The following GATA4 variants were observed in gnomAD, a reference collection of about 807,000 sequenced individuals.
GATA4 encodes GATA binding protein 4.
Under a neutral mutation model 37.9 loss-of-function variants are expected in GATA4, and 7 were observed. That is an observed-to-expected ratio of 0.18 (90% CI 0.11 to 0.35). GATA4 has a LOEUF of 0.35. Among genes scored for constraint, GATA4 ranks in the 10% least tolerant of loss-of-function variants. The pLI, the probability that GATA4 is intolerant of heterozygous loss-of-function variation, is 1.00. For synonymous variants in GATA4, 372 were observed against 292.6 expected (o/e 1.27, Z -2.77); for missense variants, 647 against 653.0 (o/e 0.99, Z 0.10).
intron 4 of GATA4, among the ~76,000 whole-genome samples, chr8:11,752,283 G>T (rs1166371411): frequency 6.6e-6 from 1 of 152,194 alleles, no homozygotes; most frequent in Non-Finnish European, 1.5e-5. Context: ...ACACGTATAG[G>T]TGTATTAGTC....
intron 1 of GATA4, among the ~76,000 whole-genome samples, chr8:11,687,226 C>T (rs892024542): frequency 3.9e-5 from 6 of 152,126 alleles, no homozygotes; most frequent in African/African-American, 1.4e-4. Context: ...ATGGGTGGGT[C>T]AGTATGTTGT....
At chr8:11,690,728 A>G (rs1226249967), upstream of GATA4, among the ~76,000 whole-genome samples, 2 of 152,140 alleles carry the variant, frequency 1.3e-5, no homozygotes, top group Non-Finnish European at 1.5e-5. Flanking sequence ...CAAAATAGCC[A>G]GATCTGGTGG....
intron 2 of GATA4, among the ~76,000 whole-genome samples, chr8:11,720,440 A>G (rs1202701868): frequency 6.6e-6 from 1 of 152,054 alleles, no homozygotes; most frequent in East Asian, 1.9e-4. Flanking sequence ...TGATGGACTC[A>G]TCTTTTCTTT....
intron 1 of GATA4, chr8:11,683,148 G>T: frequency 1.0e-6 from 1 of 981,840 alleles, no homozygotes; most frequent in Non-Finnish European, 1.2e-6. Context: ...CTCCAGCAGA[G>T]ATAATGGAGG....
upstream of GATA4, among the ~76,000 whole-genome samples, chr8:11,703,920 A>T (rs1177299463): frequency 5.9e-5 from 9 of 152,362 alleles, 1 homozygote; most frequent in African/African-American, 2.2e-4. Flanking sequence ...AAGGGAACTC[A>T]TTAATAAAGC....
At chr8:11,697,825 C>T in intron 1 of GATA4, 1 of 985,466 alleles carries the variant, frequency 1.0e-6, no homozygotes, top group Non-Finnish European at 1.2e-6. Context: ...GCCGGTGGGG[C>T]GTTCCGGCCA....
At chr8:11,754,414 C>T (rs1361420681) in intron 4 of GATA4, among the ~76,000 whole-genome samples, 1 of 152,152 alleles carries the variant, frequency 6.6e-6, no homozygotes, top group Non-Finnish European at 1.5e-5. Flanking sequence ...GATGGGGTCT[C>T]ACTATGTTGC....
chr8:11,710,160 G>T (rs199716278), intron 2 of GATA4, among the ~76,000 whole-genome samples: 2 of 152,124 alleles, frequency 1.3e-5, no homozygotes, highest in Non-Finnish European at 2.9e-5. Context: ...GAAGGTTCCC[G>T]GGGGTGCAGC....
upstream of GATA4, among the ~76,000 whole-genome samples, chr8:11,687,797 C>G (rs1768149190): frequency 6.6e-6 from 1 of 152,080 alleles, no homozygotes. Context: ...TTATTGGGAT[C>G]CCTTACTCAT....
In GATA4 at chr8:11,708,215, A is replaced by T; in HGVS notation, c.-98A>T. 1 of 1,328,220 alleles carries T rather than the reference A, an allele frequency of 7.5e-7. No homozygotes were observed. The allele number at this position is 1,328,220 out of a possible 1,614,324, so 82.3% of individuals were successfully genotyped here. A position where few individuals can be genotyped will look rare whatever the true frequency, so the allele number is the denominator to read the frequency against. ...TTTGATCTTCGCGACAGTTCCTCCCACGCATATTATCGTTGTTGCCGTCGT... is the reference window on the plus strand; with the variant it reads ...TTTGATCTTCGCGACAGTTCCTCCCTCGCATATTATCGTTGTTGCCGTCGT... On this transcript the variant is annotated 5_prime_UTR_variant, in exon 2 of 7. Coordinates refer to ENST00000532059, the MANE Select transcript of GATA4 (RefSeq NM_001308093.3). This position sits in a 1 kb window ranked among gnomAD's most constrained non-coding sequence, Gnocchi z 6.7.
chr8:11,693,562 C>CACACACACAGAG (rs1405047773), intron 1 of GATA4, among the ~76,000 whole-genome samples: 14 of 72,230 alleles, frequency 1.9e-4, no homozygotes, highest in African/African-American at 6.5e-4. Context: ...CACACACACA[C>CACACACACAGAG]AGAGAGAGAG....
chr8:11,702,333 A>G (rs60419043), upstream of GATA4, among the ~76,000 whole-genome samples: 4,195 of 151,970 alleles, frequency 0.028, 189 homozygotes, highest in African/African-American at 0.094. This position sits in a 1 kb window ranked among gnomAD's most constrained non-coding sequence, Gnocchi z 4.4. Flanking sequence ...GACCCCGGGT[A>G]GCGCTGGAGC....
At chr8:11,734,309 A>AC (rs1432551239) in intron 2 of GATA4, among the ~76,000 whole-genome samples, 10 of 152,238 alleles carry the variant, frequency 6.6e-5, no homozygotes, top group African/African-American at 2.4e-4. Flanking sequence ...GTAACAGAAT[A>AC]CCATAGAATG....
chr8:11,708,351 G>GC lies in GATA4; in HGVS notation c.45dup (p.Gly16ArgfsTer195). On this transcript the variant is annotated frameshift_variant, in exon 2 of 7. Coordinates refer to ENST00000532059, the MANE Select transcript of GATA4 (RefSeq NM_001308093.3). LOFTEE classifies it high-confidence loss of function. This position sits in a 1 kb window ranked among gnomAD's most constrained non-coding sequence, Gnocchi z 6.7. ...TGGCCATGGCCGCCAACCACGGGCC[G>GC]CCCCCCGGTGCCTACGAGGCGGGCG... 1 of 1,582,082 alleles carries GC rather than the reference G, an allele frequency of 6.3e-7. No homozygotes were observed.
intron 2 of GATA4, among the ~76,000 whole-genome samples, chr8:11,711,548 C>T (rs1217440170): frequency 1.3e-5 from 2 of 152,066 alleles, no homozygotes; most frequent in African/African-American, 2.4e-5. Flanking sequence ...GAGGCTGAGG[C>T]AGGAGGATCA....
At chr8:11,731,736 A>G (rs1383900682) in intron 2 of GATA4, among the ~76,000 whole-genome samples, 1 of 152,250 alleles carries the variant, frequency 6.6e-6, no homozygotes, top group African/African-American at 2.4e-5. Flanking sequence ...CTAATTTTAT[A>G]TGTATTTTAT....
At chr8:11,711,575 C>A (rs947779103) in intron 2 of GATA4, among the ~76,000 whole-genome samples, 2 of 151,932 alleles carry the variant, frequency 1.3e-5, no homozygotes, top group Non-Finnish European at 2.9e-5. Flanking sequence ...GCCAGGAGTT[C>A]GAGGTCAGCC....
chr8:11,703,066 C>A (rs1370173013), upstream of GATA4, among the ~76,000 whole-genome samples: 1 of 152,196 alleles, frequency 6.6e-6, no homozygotes, highest in Non-Finnish European at 1.5e-5. Flanking sequence ...GGTGGCGTTC[C>A]CAGCCTGCTT....
intron 1 of GATA4, among the ~76,000 whole-genome samples, chr8:11,694,236 T>C (rs956005118): frequency 1.3e-5 from 2 of 152,220 alleles, no homozygotes; most frequent in Admixed American, 6.5e-5. Context: ...CTTTGTGAAT[T>C]GTAGCTCTTA....
Sources: allele counts gnomAD v4.1 joint callset (sites outside exome capture counted in the v4.1 genomes callset), GRCh38; gene constraint gnomAD v4.1.1; non-coding constraint Gnocchi (gnomAD v3.1); transcripts MANE v1.5; gene names NCBI Gene and HGNC (gene_info 2026-07-23, HGNC 2026-07-21).